ENOX1: variants seen among roughly 807,000 people sequenced by gnomAD.
ENOX1 encodes candidate growth-related and time keeping constitutive hydroquinone (NADH) oxidase.
Under a neutral mutation model 82.5 loss-of-function variants are expected in ENOX1, and 42 were observed. The observed-to-expected ratio is 0.51, with a 90% CI of 0.40 to 0.66. The LOEUF (loss-of-function observed/expected upper bound fraction) is 0.66, where lower values mean the gene tolerates loss of function less well. Ranked by LOEUF, ENOX1 falls within the 30% of genes least tolerant of loss-of-function variation. ENOX1 has a pLI of 0.00. For missense variants in ENOX1, 608 were observed against 811.6 expected, an observed-to-expected ratio of 0.75 and a Z score of 3.05; for synonymous variants, 271 against 282.2, an observed-to-expected ratio of 0.96 and a Z score of 0.40.
intron 5 of ENOX1, among the ~76,000 whole-genome samples, chr13:43,367,549 G>C (rs1320127000): frequency 2.0e-5 from 3 of 152,164 alleles, no homozygotes; most frequent in African/African-American, 7.2e-5. Context: ...GCAAACACCA[G>C]AAGCTAAGAG....
chr13:43,617,967 A>G (rs1831256), intron 2 of ENOX1, among the ~76,000 whole-genome samples: 146,894 of 152,286 alleles, frequency 0.96, 71,072 homozygotes, highest in East Asian at 1. Flanking sequence ...GTTTTGATTT[A>G]CATTCCCCTG....
chr13:43,743,900 T>TAG (rs1275446618), intron 1 of ENOX1, among the ~76,000 whole-genome samples: 1 of 152,082 alleles, frequency 6.6e-6, no homozygotes, highest in Non-Finnish European at 1.5e-5. Context: ...CAAAACATGG[T>TAG]AGAGAGAGAG....
chr13:43,250,100 C>T (rs558300136), intron 14 of ENOX1, among the ~76,000 whole-genome samples: 4 of 152,292 alleles, frequency 2.6e-5, no homozygotes, highest in African/African-American at 7.2e-5. Flanking sequence ...AAGTATGCCT[C>T]GCTGTTTAAT....
At chr13:43,288,976 C>T (rs1203444404) in intron 12 of ENOX1, among the ~76,000 whole-genome samples, 3 of 151,966 alleles carry the variant, frequency 2.0e-5, no homozygotes, top group Non-Finnish European at 4.4e-5. Context: ...ACAATAGCCA[C>T]GAAGAAGATA....
chr13:43,541,171 C>CTT (rs1555317884), intron 2 of ENOX1, among the ~76,000 whole-genome samples: 1 of 38,730 alleles, frequency 2.6e-5, no homozygotes, highest in African/African-American at 6.4e-5. Flanking sequence ...CTTCTTCCCT[C>CTT]TGTTTTTTTT....
intron 5 of ENOX1, among the ~76,000 whole-genome samples, chr13:43,382,057 T>G (rs1594243080): frequency 6.6e-6 from 1 of 152,138 alleles, no homozygotes; most frequent in Non-Finnish European, 1.5e-5. Context: ...GATAAAAACA[T>G]TAGAAGAAAG....
intron 2 of ENOX1, among the ~76,000 whole-genome samples, chr13:43,510,604 T>C (rs2077331975): frequency 6.6e-6 from 1 of 152,106 alleles, no homozygotes; most frequent in South Asian, 2.1e-4. Context: ...GCCCGCATTT[T>C]GATTCCTTCT....
chr13:43,393,901 T>TGTTGA (rs1413969672), intron 5 of ENOX1, among the ~76,000 whole-genome samples: 1 of 152,172 alleles, frequency 6.6e-6, no homozygotes, highest in African/African-American at 2.4e-5. Flanking sequence ...GGATAGCCCC[T>TGTTGA]TCCTGTGGTA....
chr13:43,355,166 C>T (rs2325033), intron 8 of ENOX1, among the ~76,000 whole-genome samples: 43,529 of 152,078 alleles, frequency 0.29, 6,538 homozygotes, highest in East Asian at 0.5. Context: ...GCTCACACAA[C>T]TTTGGTCAGT....
chr13:43,683,765 C>T (rs112342966), intron 1 of ENOX1, among the ~76,000 whole-genome samples: 81 of 152,172 alleles, frequency 5.3e-4, no homozygotes, highest in Admixed American at 2.0e-3. Context: ...AATGTCTTGG[C>T]GACACCACCT....
chr13:43,232,205 A>T (rs2042320249), intron 15 of ENOX1, among the ~76,000 whole-genome samples: 1 of 148,522 alleles, frequency 6.7e-6, no homozygotes, highest in Non-Finnish European at 1.5e-5. Context: ...AGGTGCTAGG[A>T]TTATAGGCGT....
At chr13:43,401,883 C>G in intron 5 of ENOX1, among the ~76,000 whole-genome samples, 1 of 151,432 alleles carries the variant, frequency 6.6e-6, no homozygotes, top group East Asian at 1.9e-4. Flanking sequence ...AGGAACTTGA[C>G]TGCATCTCAA....
chr13:43,509,528 G>A (rs1355714728), intron 2 of ENOX1, among the ~76,000 whole-genome samples: 1 of 152,066 alleles, frequency 6.6e-6, no homozygotes. Flanking sequence ...CAACAGAATT[G>A]TCACTTAAAA....
chr13:43,216,402 A>G (rs2041484934), intron 16 of ENOX1, among the ~76,000 whole-genome samples: 1 of 152,194 alleles, frequency 6.6e-6, no homozygotes, highest in Non-Finnish European at 1.5e-5. Flanking sequence ...CCTTATGTAG[A>G]CATGTATATG....
chr13:43,705,967 TC>T (rs1174554944), intron 1 of ENOX1, among the ~76,000 whole-genome samples: 1 of 152,094 alleles, frequency 6.6e-6, no homozygotes, highest in Non-Finnish European at 1.5e-5. Flanking sequence ...AGAATATGTT[TC>T]CTGTCTACAA....
intron 14 of ENOX1, among the ~76,000 whole-genome samples, chr13:43,254,409 A>G (rs1349649776): frequency 1.3e-5 from 2 of 152,152 alleles, no homozygotes; most frequent in African/African-American, 4.8e-5. Flanking sequence ...CTATGTGGTA[A>G]TATCTAGCCA....
Position 43,591,840 on chromosome 13 carries a change from T to A in ENOX1, c.-219+75639A>T, listed in dbSNP as rs151206891. ...CCAAAGGAGTATGTGATAATCCTGG[T>A]GTTGGCAAATAGAAGTTGGAGGTAA... On this transcript the variant is annotated intron_variant, in intron 2 of 16. Transcript: ENST00000690772. 1.4e-3 allele frequency among the ~76,000 whole-genome samples: 211 copies of A among 152,202 alleles called. 1 individual carries two copies. Among genetic ancestry groups the A allele is most frequent in the African/African-American group, 4.8e-3 (200 of 41,508 alleles).
intron 2 of ENOX1, among the ~76,000 whole-genome samples, chr13:43,510,560 G>C (rs999141811): frequency 2.6e-5 from 4 of 152,020 alleles, no homozygotes; most frequent in African/African-American, 9.7e-5. Context: ...AATTCCTGTT[G>C]GGGCCCGCTC....
intron 2 of ENOX1, among the ~76,000 whole-genome samples, chr13:43,641,301 G>C (rs2083637732): frequency 6.6e-6 from 1 of 151,930 alleles, no homozygotes; most frequent in African/African-American, 2.4e-5. Flanking sequence ...CCCAAAGCAG[G>C]TAAGAAACAA....
Sources: gnomAD v4.1 joint callset for allele counts (sites outside exome capture counted in the v4.1 genomes callset) on GRCh38, gnomAD v4.1.1 for gene constraint, MANE v1.5 for transcripts, NCBI Gene and HGNC (gene_info 2026-07-23, HGNC 2026-07-21) for gene names.